The following GNG7 variants were observed in gnomAD, a reference collection of about 807,000 sequenced individuals.
GNG7 encodes the protein guanine nucleotide-binding protein G(I)/G(S)/G(O) subunit gamma-7.
GNG7 carries 1 observed loss-of-function variant against 4.0 expected under a neutral mutation model. The ratio of observed to expected loss-of-function variants is 0.25; its 90% confidence interval spans 0.09 to 1.18. GNG7 has a LOEUF of 1.18. Among genes scored for constraint, GNG7 ranks in the 50% most tolerant of loss-of-function variants. GNG7 has a pLI of 0.50. For synonymous variants in GNG7, 34 were observed against 36.9 expected (o/e 0.92, Z 0.29); for missense variants, 86 against 91.9 (o/e 0.94, Z 0.26).
At chr19:2,628,026 C>T (rs1982063281) in intron 2 of GNG7, among the ~76,000 whole-genome samples, 1 of 152,320 alleles carries the variant, frequency 6.6e-6, no homozygotes, top group Non-Finnish European at 1.5e-5. Flanking sequence ...GCCATGTGAC[C>T]CTGGGCACGT....
At chr19:2,640,899 G>A (rs1457327447) in intron 2 of GNG7, among the ~76,000 whole-genome samples, 1 of 152,214 alleles carries the variant, frequency 6.6e-6, no homozygotes, top group Non-Finnish European at 1.5e-5. Flanking sequence ...AAAGTGCTGC[G>A]ATGACAGGCG....
chr19:2,651,701 G>C lies in GNG7; in HGVS notation c.-134-5421C>G, dbSNP rs570144685. ...CTGCCTCAACCTCCCAAGTAGCTGG[G>C]ATTACAGGTGCCCATCACCACGCCC... On this transcript the variant is annotated intron_variant, in intron 1 of 4. Transcript: ENST00000382159. Among the ~76,000 whole-genome samples, 12 of 150,526 alleles carry C rather than the reference G, an allele frequency of 8.0e-5. No individual in the cohort carries two copies. In the South Asian group the frequency reaches 2.5e-3, roughly 32 times the overall value.
At chr19:2,679,430 C>T (rs1983674783) in intron 1 of GNG7, among the ~76,000 whole-genome samples, 1 of 152,080 alleles carries the variant, frequency 6.6e-6, no homozygotes, top group Non-Finnish European at 1.5e-5. Flanking sequence ...GGACCACCAC[C>T]CATCCAGGTC....
chr19:2,592,217 T>C (rs1980867409), intron 2 of GNG7, among the ~76,000 whole-genome samples: 3 of 152,152 alleles, frequency 2.0e-5, no homozygotes, highest in South Asian at 2.1e-4. Context: ...GGCATATCCA[T>C]ACACAAGAAC....
intron 1 of GNG7, among the ~76,000 whole-genome samples, chr19:2,672,849 C>T (rs1036012889): frequency 1.4e-4 from 22 of 152,290 alleles, no homozygotes; most frequent in Non-Finnish European, 1.3e-4. Context: ...GTGGACGTCA[C>T]GTGCCCCTGA....
Position 2,614,626 on chromosome 19 carries a change from C to T in GNG7, c.-78+31598G>A, listed in dbSNP as rs1264132494. Among the ~76,000 whole-genome samples, 1 of 152,222 alleles carries T rather than the reference C, an allele frequency of 6.6e-6. No homozygotes were observed. The highest frequency in any genetic ancestry group is 2.4e-5 in the African/African-American group (1 of 41,444). On this transcript the variant is annotated intron_variant, in intron 2 of 4. Transcript: ENST00000382159. This position sits in a 1 kb window ranked among gnomAD's most constrained non-coding sequence, Gnocchi z 6.0. The stretch of plus-strand genomic sequence containing the variant: ...GGCTGCACGTGGCCTGGGTCAGAGT[C>T]TCGTTCACGGCTGAGTCTCGTTCCA...
rs1983507957 is a variant in GNG7 at position 2,673,266 on chromosome 19, AACAAAACAAAACAAAACAAAAC to A, written c.-134-27008_-134-26987del. On this transcript the variant is annotated intron_variant, in intron 1 of 4. Coordinates refer to ENST00000382159, the MANE Select transcript of GNG7 (RefSeq NM_052847.3). ...GAGCGAGATTCCATCTCAAAAAAAAAACAAAACAAAACAAAACAAAACAAAAAAAAACCCAGCAGGTCATCAA... is the reference window on the plus strand; with the variant it reads ...GAGCGAGATTCCATCTCAAAAAAAAAAAAAAAAAACCCAGCAGGTCATCAA... Among the ~76,000 whole-genome samples the A allele has an allele frequency of 4.7e-5, 6 of 126,736 alleles. 1 individual carries two copies. The South Asian group carries it at 1.5e-3, about 31-fold the overall frequency. The allele number at this position is 126,736 out of a possible 152,430, so 83.1% of individuals were successfully genotyped here.
Position 2,614,634 on chromosome 19 carries a change from C to T in GNG7, c.-78+31590G>A, listed in dbSNP as rs536308367. 5.9e-5 allele frequency among the ~76,000 whole-genome samples: 9 copies of T among 152,318 alleles called. No homozygotes were observed. The South Asian group carries it at 8.3e-4, about 14-fold the overall frequency. On this transcript the variant is annotated intron_variant, in intron 2 of 4. Coordinates refer to ENST00000382159, the MANE Select transcript of GNG7 (RefSeq NM_052847.3). The surrounding 1 kb of genome is among the most constrained non-coding windows in gnomAD (Gnocchi z 6.0). ...GTGGCCTGGGTCAGAGTCTCGTTCA[C>T]GGCTGAGTCTCGTTCCAGTGTGTGG... is the stretch of plus-strand genomic sequence containing the variant.
intron 1 of GNG7, among the ~76,000 whole-genome samples, chr19:2,648,539 A>T (rs1187624323): frequency 6.6e-6 from 1 of 152,254 alleles, no homozygotes; most frequent in Non-Finnish European, 1.5e-5. Flanking sequence ...AAAAAAATGC[A>T]GACTTTTTAA....
chr19:2,564,364 T>G (rs887754268), intron 2 of GNG7, among the ~76,000 whole-genome samples: 6 of 152,108 alleles, frequency 3.9e-5, no homozygotes, highest in Admixed American at 6.6e-5. Flanking sequence ...GAGGATCGCT[T>G]GAGGCCAGGA....
chr19:2,617,768 G>A lies in GNG7; in HGVS notation c.-78+28456C>T, dbSNP rs1981761421. Among the ~76,000 whole-genome samples the A allele has an allele frequency of 6.6e-6, 1 of 151,268 alleles. No individual in the cohort carries two copies. The highest frequency in any genetic ancestry group is 1.5e-5 in the Non-Finnish European group (1 of 67,872). ...GGGTCTTGCTCTGTTGCCCAGGCTG[G>A]AGTGCAGTGGTGCAGTCACAGCTCA... On this transcript the variant is annotated intron_variant, in intron 2 of 4. Transcript: ENST00000382159. This position sits in a 1 kb window ranked among gnomAD's most constrained non-coding sequence, Gnocchi z 4.7.
intron 1 of GNG7, among the ~76,000 whole-genome samples, chr19:2,695,810 C>T (rs1044123080): frequency 4.6e-5 from 7 of 152,010 alleles, no homozygotes; most frequent in African/African-American, 7.3e-5. Flanking sequence ...CGGAGTCTCC[C>T]GCCAGGGATG....
At chr19:2,640,283 A>C (rs1294020228) in intron 2 of GNG7, among the ~76,000 whole-genome samples, 6 of 151,990 alleles carry the variant, frequency 3.9e-5, no homozygotes, top group Non-Finnish European at 8.8e-5. Flanking sequence ...GAGAGAAAGA[A>C]AGACATCAAG....
chr19:2,687,160 C>T (rs1369918411), intron 1 of GNG7, among the ~76,000 whole-genome samples: 2 of 151,928 alleles, frequency 1.3e-5, no homozygotes, highest in Non-Finnish European at 2.9e-5. Flanking sequence ...TGGGCTCAAG[C>T]GACCCTCCTG....
At chr19:2,564,445 G>A (rs890053342) in intron 2 of GNG7, among the ~76,000 whole-genome samples, 5 of 152,148 alleles carry the variant, frequency 3.3e-5, no homozygotes, top group Non-Finnish European at 7.3e-5. Context: ...GCCAGGCATG[G>A]TGGCGTGCAC....
chr19:2,599,752 T>C (rs1034821824), intron 2 of GNG7, among the ~76,000 whole-genome samples: 2 of 151,838 alleles, frequency 1.3e-5, no homozygotes, highest in African/African-American at 4.8e-5. Context: ...GCCTGGGCAA[T>C]ACGGCGAAAC....
chr19:2,564,767 G>T (rs1979849975), intron 2 of GNG7, among the ~76,000 whole-genome samples: 2 of 152,114 alleles, frequency 1.3e-5, no homozygotes, highest in Admixed American at 6.6e-5. Flanking sequence ...CAGACACCTT[G>T]ATCTCAGACT....
intron 1 of GNG7, among the ~76,000 whole-genome samples, chr19:2,696,342 G>GAAAGA (rs752466914): frequency 4.7e-5 from 6 of 128,582 alleles, no homozygotes; most frequent in East Asian, 2.2e-4. Context: ...AAGAAAGAAA[G>GAAAGA]AAAGAAAAGA....
intron 2 of GNG7, among the ~76,000 whole-genome samples, chr19:2,599,124 G>T (rs1981123349): frequency 6.6e-6 from 1 of 152,176 alleles, no homozygotes; most frequent in Non-Finnish European, 1.5e-5. Context: ...GACGCCTGGG[G>T]TGGGGGCGTG....
Sources: allele counts gnomAD v4.1 joint callset (sites outside exome capture counted in the v4.1 genomes callset), GRCh38; gene constraint gnomAD v4.1.1; non-coding constraint Gnocchi (gnomAD v3.1); transcripts MANE v1.5; gene names NCBI Gene and HGNC (gene_info 2026-07-23, HGNC 2026-07-21).